Variants in RGS8 observed in about 807,000 individuals in gnomAD.
RGS8 encodes regulator of G protein signaling 8.
RGS8 carries 8 observed loss-of-function variants against 21.7 expected under a neutral mutation model. The ratio of observed to expected loss-of-function variants is 0.37; its 90% CI spans 0.22 to 0.66. RGS8 has a LOEUF of 0.66. Ranked by LOEUF, RGS8 falls within the 30% of genes least tolerant of loss-of-function variation. The pLI, the probability that RGS8 is intolerant of heterozygous loss-of-function variation, is 0.59. For synonymous variants in RGS8, 80 were observed against 83.6 expected, an observed-to-expected ratio of 0.96 and a Z score of 0.24; for missense variants, 157 against 217.9, an observed-to-expected ratio of 0.72 and a Z score of 1.76.
upstream of RGS8, among the ~76,000 whole-genome samples, chr1:182,676,173 A>T (rs1268092020): frequency 6.6e-6 from 1 of 152,220 alleles, no homozygotes; most frequent in Non-Finnish European, 1.5e-5. Flanking sequence ...AGCACCTGGC[A>T]TTGTCACACA....
At chr1:182,674,302 T>C (rs933185677), upstream of RGS8, among the ~76,000 whole-genome samples, 1 of 152,188 alleles carries the variant, frequency 6.6e-6, no homozygotes, top group African/African-American at 2.4e-5. Context: ...AATTAGCCTT[T>C]GGGAAAATAA....
At chr1:182,704,044 A>G in the RGS8 span, among the ~76,000 whole-genome samples, 1 of 152,252 alleles carries the variant, frequency 6.6e-6, no homozygotes, top group Non-Finnish European at 1.5e-5. Context: ...TATGCAATAA[A>G]GATTTCACTA....
the RGS8 span, among the ~76,000 whole-genome samples, chr1:182,706,133 C>T: frequency 3.3e-5 from 5 of 152,148 alleles, no homozygotes; most frequent in Admixed American, 2.6e-4. Flanking sequence ...TAGGTATGCA[C>T]TACTACGCCC....
At chr1:182,745,210 T>A in the RGS8 span, among the ~76,000 whole-genome samples, 4 of 152,268 alleles carry the variant, frequency 2.6e-5, no homozygotes, top group African/African-American at 9.6e-5. Flanking sequence ...ATGTTGTGTT[T>A]TATTTTTTAA....
At chr1:182,669,644 C>G (rs747431127) in exon 3 of RGS8, 1 of 1,614,180 alleles carries the variant, frequency 6.2e-7, no homozygotes, top group Non-Finnish European at 8.5e-7. Flanking sequence ...TCAGTAAGGC[C>G]GCCATACAGG....
downstream of RGS8, chr1:182,643,158 CCAAAACACCTTTATCTCAAA>C (rs1662540309): frequency 6.6e-6 from 1 of 152,228 alleles, no homozygotes; most frequent in African/African-American, 2.4e-5. Context: ...TCAGCTTGGG[CCAAAACACCTTTATCTCAAA>C]GGAGAAAGTC....
chr1:182,709,924 A>G, the RGS8 span, among the ~76,000 whole-genome samples: 4 of 152,194 alleles, frequency 2.6e-5, no homozygotes, highest in African/African-American at 7.2e-5. Context: ...ATCCAACTCT[A>G]GATTCTGGGT....
the RGS8 span, among the ~76,000 whole-genome samples, chr1:182,747,625 T>A: frequency 6.6e-6 from 1 of 152,286 alleles, no homozygotes; most frequent in African/African-American, 2.4e-5. Flanking sequence ...CAGGGAGATA[T>A]CTCTGACCCA....
chr1:182,680,260 C>T (rs1270689619), intron 1 of RGS8, among the ~76,000 whole-genome samples: 3 of 152,202 alleles, frequency 2.0e-5, no homozygotes, highest in Non-Finnish European at 4.4e-5. Context: ...TACACAAACA[C>T]CCCAAGGTCT....
chr1:182,697,061 C>A, the RGS8 span, among the ~76,000 whole-genome samples: 2 of 152,326 alleles, frequency 1.3e-5, no homozygotes, highest in South Asian at 2.1e-4. Flanking sequence ...CATTTTCAAG[C>A]CCAGGTTTGG....
exon 7 of RGS8, chr1:182,646,132 T>A (rs1662692947): frequency 6.6e-6 from 1 of 152,266 alleles, no homozygotes; most frequent in Non-Finnish European, 1.5e-5. Context: ...AATCACAGTT[T>A]TTCACACTGG....
At chr1:182,661,788 T>C (rs1663600223) in intron 5 of RGS8, among the ~76,000 whole-genome samples, 1 of 149,362 alleles carries the variant, frequency 6.7e-6, no homozygotes, top group African/African-American at 2.5e-5. Flanking sequence ...GAGCAGAAAG[T>C]CTCCTGAGTG....
the RGS8 span, among the ~76,000 whole-genome samples, chr1:182,707,288 C>A: frequency 6.6e-6 from 1 of 152,160 alleles, no homozygotes; most frequent in Non-Finnish European, 1.5e-5. Context: ...ACCTTTTGTA[C>A]TTTGCTGTGC....
chr1:182,654,497 A>G lies in RGS8; in HGVS notation c.194-6194T>C, dbSNP rs562698064. ...TAAGGTCACTGTGAATGTGGGCTGCACCCACGTGCTAGGTTTTGGGGCTAC... is the reference window on the plus strand; with the variant it reads ...TAAGGTCACTGTGAATGTGGGCTGCGCCCACGTGCTAGGTTTTGGGGCTAC... On this transcript the variant is annotated intron_variant, in intron 5 of 6. Coordinates refer to ENST00000483095, the Ensembl canonical transcript of RGS8. 5.9e-5 allele frequency among the ~76,000 whole-genome samples: 9 copies of G among 152,366 alleles called. No homozygotes were observed. The East Asian group carries it at 1.7e-3, about 29-fold the overall frequency.
the RGS8 span, among the ~76,000 whole-genome samples, chr1:182,694,057 C>T: frequency 6.6e-6 from 1 of 151,870 alleles, no homozygotes; most frequent in Non-Finnish European, 1.5e-5. Context: ...ATAACCTGTA[C>T]ACCAAACCCC....
At chr1:182,685,744 C>A (rs1006095995), upstream of RGS8, among the ~76,000 whole-genome samples, 1 of 152,160 alleles carries the variant, frequency 6.6e-6, no homozygotes, top group South Asian at 2.1e-4. Flanking sequence ...CACTGACCCA[C>A]GAGATGACCC....
chr1:182,730,238 A>G, the RGS8 span, among the ~76,000 whole-genome samples: 1 of 152,142 alleles, frequency 6.6e-6, no homozygotes, highest in Non-Finnish European at 1.5e-5. Context: ...ATTCACTCTA[A>G]CTTGAAGGGA....
chr1:182,724,120 G>T, the RGS8 span, among the ~76,000 whole-genome samples: 1 of 145,892 alleles, frequency 6.9e-6, no homozygotes, highest in Non-Finnish European at 1.5e-5. Context: ...CCTCAATCTG[G>T]GTGGGCACCA....
chr1:182,661,647 T>C (rs1383684423), intron 5 of RGS8, among the ~76,000 whole-genome samples: 2 of 151,920 alleles, frequency 1.3e-5, no homozygotes, highest in Non-Finnish European at 2.9e-5. Flanking sequence ...GCTAAACAAA[T>C]AAAAAAAGTT....
Sources: allele counts gnomAD v4.1 joint callset (sites outside exome capture counted in the v4.1 genomes callset), GRCh38; gene constraint gnomAD v4.1.1; transcripts MANE v1.5; gene names NCBI Gene and HGNC (gene_info 2026-07-23, HGNC 2026-07-21).